The following KLF13 variants were observed in gnomAD, a reference collection of about 807,000 sequenced individuals.
KLF13 encodes the protein Krueppel-like factor 13.
Under a neutral mutation model 16.7 loss-of-function variants are expected in KLF13, and 8 were observed. That is an observed-to-expected ratio of 0.48 (90% CI 0.28 to 0.87). KLF13 has a LOEUF of 0.87. Among genes scored for constraint, KLF13 ranks in the 40% least tolerant of loss-of-function variants. The pLI is 0.10. For missense variants in KLF13, 447 were observed against 452.2 expected, an observed-to-expected ratio of 0.99 and a Z score of 0.10; for synonymous variants, 245 against 208.4, an observed-to-expected ratio of 1.18 and a Z score of -1.51.
At chr15:31,329,669 T>G (rs1188370792) in intron 1 of KLF13, among the ~76,000 whole-genome samples, 1 of 152,242 alleles carries the variant, frequency 6.6e-6, no homozygotes. Context: ...GGGGCCAGTT[T>G]CCTCGGAGCG....
At chr15:31,433,571 G>T (rs957722328) in intron 1 of KLF13, among the ~76,000 whole-genome samples, 4 of 152,152 alleles carry the variant, frequency 2.6e-5, no homozygotes, top group African/African-American at 9.7e-5. Context: ...AGCCAGGACT[G>T]TTGAAGAACT....
At chr15:31,345,502 G>A (rs2039100095) in intron 1 of KLF13, among the ~76,000 whole-genome samples, 1 of 152,228 alleles carries the variant, frequency 6.6e-6, no homozygotes. Context: ...AGCACCGCGT[G>A]CCTAGCAGCA....
intron 1 of KLF13, among the ~76,000 whole-genome samples, chr15:31,410,625 A>ACC (rs1555382148): frequency 6.7e-5 from 9 of 134,740 alleles, no homozygotes; most frequent in African/African-American, 2.4e-4. Flanking sequence ...ACACACACAC[A>ACC]CCCCTATAAC....
At chr15:31,350,685 G>T (rs1285246498) in intron 1 of KLF13, among the ~76,000 whole-genome samples, 1 of 152,246 alleles carries the variant, frequency 6.6e-6, no homozygotes, top group Non-Finnish European at 1.5e-5. Flanking sequence ...ACTTGCACAA[G>T]CACTGGCTCT....
intron 1 of KLF13, among the ~76,000 whole-genome samples, chr15:31,432,130 G>A (rs1485998591): frequency 7.9e-6 from 1 of 126,652 alleles, no homozygotes; most frequent in Non-Finnish European, 1.6e-5. Context: ...GAAAGGAGGA[G>A]AGAAATCAGA....
At position 31,375,613 on chromosome 15, in the gene KLF13, G is replaced by T. The variant is rs1254719703; in HGVS notation, c.*3314G>T. On this transcript the variant is annotated 3_prime_UTR_variant, in exon 2 of 2. Coordinates refer to ENST00000307145, the MANE Select transcript of KLF13 (RefSeq NM_015995.4). ...TTGATCTGGGGCTCAGCCATCAAGG[G>T]GCTGGTGTTGCTCCTGTCCCAGACA... is the stretch of plus-strand genomic sequence containing the variant. The T allele has an allele frequency of 2.0e-5, 3 of 152,132 alleles. No homozygotes were observed. The highest frequency in any genetic ancestry group is 4.4e-5 in the Non-Finnish European group (3 of 68,032). 9.4% of individuals were successfully genotyped at this position (152,132 alleles called of 1,614,324 possible). A position where few individuals can be genotyped will look rare whatever the true frequency, so the allele number is the denominator to read the frequency against.
At chr15:31,369,850 A>T (rs781754271) in intron 1 of KLF13, among the ~76,000 whole-genome samples, 5 of 152,106 alleles carry the variant, frequency 3.3e-5, no homozygotes, top group Admixed American at 6.5e-5. Flanking sequence ...GAAAAGTCTG[A>T]TGTCTATCCC....
downstream of KLF13, among the ~76,000 whole-genome samples, chr15:31,380,864 A>T (rs910711935): frequency 1.1e-4 from 17 of 152,238 alleles, no homozygotes; most frequent in African/African-American, 4.1e-4. Flanking sequence ...TGTTGGAAAC[A>T]CAAGGCCTGT....
At chr15:31,419,675 G>A (rs2040298584) in intron 1 of KLF13, among the ~76,000 whole-genome samples, 1 of 152,130 alleles carries the variant, frequency 6.6e-6, no homozygotes, top group South Asian at 2.1e-4. Context: ...AGGGACTTAT[G>A]AAAAATCATC....
At chr15:31,381,269 G>A (rs2039723053), downstream of KLF13, among the ~76,000 whole-genome samples, 1 of 151,942 alleles carries the variant, frequency 6.6e-6, no homozygotes, top group African/African-American at 2.4e-5. Context: ...TTCTCTTGCA[G>A]CTCTGGAGGT....
intron 1 of KLF13, among the ~76,000 whole-genome samples, chr15:31,335,061 A>G (rs1248949427): frequency 6.6e-6 from 1 of 152,238 alleles, no homozygotes; most frequent in Non-Finnish European, 1.5e-5. Flanking sequence ...ATAGCCACGT[A>G]CATGTGTAGA....
chr15:31,413,203 CAAA>C (rs1341640127), intron 1 of KLF13, among the ~76,000 whole-genome samples: 3 of 130,260 alleles, frequency 2.3e-5, no homozygotes, highest in African/African-American at 8.9e-5. Flanking sequence ...AAAAAAAAAA[CAAA>C]AAACAAAAAA....
chr15:31,337,481 G>A (rs1003007328), intron 1 of KLF13, among the ~76,000 whole-genome samples: 1 of 151,914 alleles, frequency 6.6e-6, no homozygotes, highest in African/African-American at 2.4e-5. Flanking sequence ...TAAAATTACA[G>A]TCATAGGTTG....
downstream of KLF13, among the ~76,000 whole-genome samples, chr15:31,405,546 C>G (rs2040116119): frequency 6.6e-6 from 1 of 152,218 alleles, no homozygotes; most frequent in South Asian, 2.1e-4. Flanking sequence ...ACAACCTGAA[C>G]TGATGAAAAC....
chr15:31,422,187 C>T (rs906670115), intron 1 of KLF13, among the ~76,000 whole-genome samples: 2 of 150,794 alleles, frequency 1.3e-5, no homozygotes, highest in African/African-American at 2.4e-5. Context: ...TTTTTCAGAA[C>T]CTCAAGACCC....
chr15:31,344,903 A>T (rs1334284110), intron 1 of KLF13, among the ~76,000 whole-genome samples: 2 of 152,130 alleles, frequency 1.3e-5, no homozygotes, highest in African/African-American at 4.8e-5. Flanking sequence ...GGCCGCAAGT[A>T]ACCAGGAGCA....
Position 31,425,551 on chromosome 15 carries a change from G to C in KLF13, n.118-9819G>C, listed in dbSNP as rs1352412697. 2.6e-5 allele frequency among the ~76,000 whole-genome samples: 4 copies of C among 152,328 alleles called. No individual in the cohort carries two copies. In the East Asian group the frequency reaches 5.8e-4, roughly 22 times the overall value. ...TTTCTGGAATAGTACCAATGCCAGT[G>C]TGGAAGATCTGTGGGCCTTATTGAT... On this transcript the variant is annotated intron_variant and non_coding_transcript_variant, in intron 1 of 1. Transcript: ENST00000558225.
At chr15:31,352,776 A>C (rs1202234221) in intron 1 of KLF13, among the ~76,000 whole-genome samples, 1 of 152,246 alleles carries the variant, frequency 6.6e-6, no homozygotes, top group African/African-American at 2.4e-5. Flanking sequence ...TAAAAACTTA[A>C]TAAAAGGCTG....
chr15:31,424,395 GA>G (rs2040377927), intron 1 of KLF13, among the ~76,000 whole-genome samples: 1 of 151,954 alleles, frequency 6.6e-6, no homozygotes, highest in Non-Finnish European at 1.5e-5. Flanking sequence ...TTTATTCCTG[GA>G]ATACAAGGAT....
Sources: gnomAD v4.1 joint callset for allele counts (sites outside exome capture counted in the v4.1 genomes callset) on GRCh38, gnomAD v4.1.1 for gene constraint, MANE v1.5 for transcripts, NCBI Gene and HGNC (gene_info 2026-07-23, HGNC 2026-07-21) for gene names.